DDX24: variants seen among roughly 807,000 people sequenced by gnomAD.
DDX24 encodes DEAD-box helicase 24, also known as ATP-dependent RNA helicase DDX24.
Under a neutral mutation model 68.9 loss-of-function variants are expected in DDX24, and 24 were observed. The ratio of observed to expected loss-of-function variants is 0.35; its 90% CI spans 0.25 to 0.49. The LOEUF (loss-of-function observed/expected upper bound fraction) is 0.49. DDX24 is among the 20% of genes least tolerant of loss of function. The pLI is 0.99. For synonymous variants in DDX24, 395 were observed against 385.2 expected (o/e 1.03, Z -0.30); for missense variants, 989 against 1,039.0 (o/e 0.95, Z 0.66).
chr14:94,063,102 G>A (rs1173248982), intron 2 of DDX24, among the ~76,000 whole-genome samples: 1 of 152,074 alleles, frequency 6.6e-6, no homozygotes, highest in African/African-American at 2.4e-5. Context: ...TCATCTGGGT[G>A]GTCAAAACAA....
rs199923488 is a variant in DDX24, at chr14:94,060,193, G to A, written c.1818C>T (p.Leu606=). 3 of 1,614,176 alleles carry A rather than the reference G, an allele frequency of 1.9e-6. No individual in the cohort carries two copies. Among genetic ancestry groups the A allele is most frequent in the African/African-American group, 1.3e-5 (1 of 75,040 alleles). The part of the protein sequence containing the change: ...SISCIKRLSG[L]LKVLDIMPLT... ...AGGGCATGATATCAAGGACTTTGAG[G>A]AGCCCAGAGAGGCGTTTGATGCAGG... is the stretch of plus-strand genomic sequence containing the variant. The change falls in exon 5 of 9, where the codon CTC becomes CTT. Residue 606 remains leucine, a synonymous_variant. Coordinates refer to ENST00000621632, the MANE Select transcript of DDX24 (RefSeq NM_020414.4).
At position 94,053,268 on chromosome 14, in the gene DDX24, C is replaced by T. The variant is rs1183736540; in HGVS notation, c.2179-141G>A. On this transcript the variant is annotated intron_variant, in intron 7 of 8. Transcript: ENST00000621632. Reference sequence around the variant, plus strand: ...CTGGAGAGCAGTGGCATGATCATGGCTCACTGCAGCCTCAACCTCCTTGGA... The same window carrying T: ...CTGGAGAGCAGTGGCATGATCATGGTTCACTGCAGCCTCAACCTCCTTGGA... The T allele has an allele frequency of 6.6e-6, 7 of 1,061,066 alleles. No homozygotes were observed. In the South Asian group the frequency reaches 1.1e-4, roughly 17 times the overall value. 65.7% of individuals were successfully genotyped at this position (1,061,066 alleles called of 1,614,324 possible).
At position 94,062,311 on chromosome 14, in the gene DDX24, G is replaced by A. The variant is rs1377521305; in HGVS notation, c.1029C>T (p.Ser343=). The change falls in exon 3 of 9, where the codon TCC becomes TCT. Residue 343 remains serine (S), a synonymous_variant. Coordinates refer to ENST00000621632, the MANE Select transcript of DDX24 (RefSeq NM_020414.4). The part of the protein sequence containing the change: ...GDDDAGEGPS[S]LIREKPVPKQ... ...TGGGAACAGGTTTCTCCCTGATCAG[G>A]GAAGAAGGCCCTTCACCAGCATCAT... The A allele has an allele frequency of 2.5e-6, 4 of 1,614,176 alleles. No homozygotes were observed. The East Asian group carries it at 8.9e-5, about 36-fold the overall frequency.
At chr14:94,052,629 A>G (rs1425741937) in intron 8 of DDX24, among the ~76,000 whole-genome samples, 1 of 152,254 alleles carries the variant, frequency 6.6e-6, no homozygotes, top group African/African-American at 2.4e-5. Flanking sequence ...GTAGTTGACT[A>G]CTTCCATTTT....
intron 2 of DDX24, among the ~76,000 whole-genome samples, chr14:94,065,726 A>G (rs1011026172): frequency 1.3e-5 from 2 of 152,052 alleles, no homozygotes; most frequent in Admixed American, 6.5e-5. Context: ...CCAAACACAC[A>G]CCCCCACTAG....
chr14:94,069,047 C>CA (rs1040566329), intron 2 of DDX24, among the ~76,000 whole-genome samples: 10 of 151,566 alleles, frequency 6.6e-5, no homozygotes, highest in African/African-American at 9.7e-5. Context: ...AACAAACAAA[C>CA]AAAAAAACAA....
Position 94,060,090 on chromosome 14 carries a change from T to C in DDX24, c.1913+8A>G. The C allele has an allele frequency of 3.1e-6, 5 of 1,608,886 alleles. No homozygotes were observed. Among genetic ancestry groups the C allele is most frequent in the Non-Finnish European group, 4.2e-6 (5 of 1,176,576 alleles). ...GAGGTTAAGCCTCTGGGGACAGTCC[T>C]AACTTACTCTTCCAGACGGGCAAAC... On this transcript the variant is annotated splice_region_variant and intron_variant, in intron 5 of 8. Coordinates refer to ENST00000621632, the MANE Select transcript of DDX24 (RefSeq NM_020414.4).
Position 94,051,110 on chromosome 14 carries a change from AGTG to A in DDX24, c.*78_*80del. 2.1e-6 allele frequency: 3 copies of A among 1,462,842 alleles called. No homozygotes were observed. Among genetic ancestry groups the A allele is most frequent in the Non-Finnish European group, 2.7e-6 (3 of 1,103,580 alleles). The allele number at this position is 1,462,842 out of a possible 1,614,324, so 90.6% of individuals were successfully genotyped here. A position where few individuals can be genotyped will look rare whatever the true frequency, so the allele number is the denominator to read the frequency against. On this transcript the variant is annotated 3_prime_UTR_variant, in exon 9 of 9. Coordinates refer to ENST00000621632, the MANE Select transcript of DDX24 (RefSeq NM_020414.4). ...CTTTTTTACCTGGGGTTGGTGGTGG[AGTG>A]AAACACAAGGGTGGGAGAGGTTTTG...
intron 3 of DDX24, 140 bp from the exon 4 acceptor site, chr14:94,061,206 T>C (rs973784512): frequency 4.1e-6 from 4 of 973,596 alleles, no homozygotes; most frequent in Admixed American, 4.6e-5. Context: ...AGAGCAGGCC[T>C]GGCCAGACTG....
intron 1 of DDX24, among the ~76,000 whole-genome samples, chr14:94,080,136 G>A (rs1351496215): frequency 1.3e-5 from 2 of 152,184 alleles, no homozygotes; most frequent in African/African-American, 2.4e-5. Flanking sequence ...TGTAAAGCAC[G>A]GAGGATGAAA....
intron 2 of DDX24, among the ~76,000 whole-genome samples, chr14:94,070,287 T>C (rs2141432360): frequency 6.6e-6 from 1 of 151,518 alleles, no homozygotes; most frequent in East Asian, 1.9e-4. Context: ...AAAAAATACT[T>C]AGGAATATGC....
In DDX24 at chr14:94,051,063, G is replaced by A; in HGVS notation, c.*128C>T. The A allele has an allele frequency of 9.1e-7, 1 of 1,102,916 alleles. No individual in the cohort carries two copies. The highest frequency in any genetic ancestry group is 1.8e-5 in the South Asian group (1 of 54,512). The allele number at this position is 1,102,916 out of a possible 1,614,324, so 68.3% of individuals were successfully genotyped here. A position where few individuals can be genotyped will look rare whatever the true frequency, so the allele number is the denominator to read the frequency against. On this transcript the variant is annotated 3_prime_UTR_variant, in exon 9 of 9. Transcript: ENST00000621632. ...CTGCATGAGGTCTCTCCCGCTATGGGTGTGAGTGGAAGAGAGGGAGACTTT... is the reference window on the plus strand; with the variant it reads ...CTGCATGAGGTCTCTCCCGCTATGGATGTGAGTGGAAGAGAGGGAGACTTT...
intron 2 of DDX24, among the ~76,000 whole-genome samples, chr14:94,077,627 A>G (rs1885971006): frequency 6.6e-6 from 1 of 152,212 alleles, no homozygotes; most frequent in Admixed American, 6.5e-5. Context: ...ATCAACATAA[A>G]GCACTTAACA....
intron 2 of DDX24, among the ~76,000 whole-genome samples, chr14:94,065,739 A>G (rs1233484248): frequency 1.3e-5 from 2 of 152,112 alleles, no homozygotes; most frequent in South Asian, 4.2e-4. Flanking sequence ...CCCACTAGAG[A>G]AGGTGAAGGT....
Position 94,048,835 on chromosome 14 carries a change from C to T in DDX24, c.*2356G>A, listed in dbSNP as rs968781719. 6.6e-6 allele frequency: 1 copy of T among 152,270 alleles called. No individual in the cohort carries two copies. Among genetic ancestry groups the T allele is most frequent in the East Asian group, 1.9e-4 (1 of 5,202 alleles). The allele number at this position is 152,270 out of a possible 1,614,324, so 9.4% of individuals were successfully genotyped here. The stretch of plus-strand genomic sequence containing the variant: ...GGGCTGTAACTCAGTGAGTGGCTTC[C>T]AGGGGCCCCAGGCCCTGCTGGATGT... On this transcript the variant is annotated 3_prime_UTR_variant, in exon 9 of 9. Coordinates refer to ENST00000621632, the MANE Select transcript of DDX24 (RefSeq NM_020414.4).
At chr14:94,071,769 A>G (rs1885836372) in intron 2 of DDX24, among the ~76,000 whole-genome samples, 1 of 152,136 alleles carries the variant, frequency 6.6e-6, no homozygotes, top group Non-Finnish European at 1.5e-5. Context: ...AACATGGAGA[A>G]ACCACGTCTC....
chr14:94,058,827 A>G (rs1339621668), intron 5 of DDX24, among the ~76,000 whole-genome samples: 1 of 152,224 alleles, frequency 6.6e-6, no homozygotes, highest in East Asian at 1.9e-4. Flanking sequence ...GCCAGAGAGC[A>G]TTTCCAGCTT....
At chr14:94,053,574 G>GT (rs2141421069) in intron 7 of DDX24, among the ~76,000 whole-genome samples, 1 of 152,012 alleles carries the variant, frequency 6.6e-6, no homozygotes, top group South Asian at 2.1e-4. Flanking sequence ...TAGCACTCTG[G>GT]GAGGCCAAGG....
chr14:94,065,054 CT>C lies in DDX24; in HGVS notation c.719-2434del, dbSNP rs57434417. On this transcript the variant is annotated intron_variant, in intron 2 of 8. Transcript: ENST00000621632. Reference sequence around the variant, plus strand: ...CAAGAGTGTTCTGTGGGTAGAAAATCTTTTTTTTTTTTTTGAGACACAGTCT... The same window carrying C: ...CAAGAGTGTTCTGTGGGTAGAAAATCTTTTTTTTTTTTTGAGACACAGTCT... Among the ~76,000 whole-genome samples the C allele has an allele frequency of 9.9e-4, 143 of 144,148 alleles. 1 individual carries two copies. The highest frequency in any genetic ancestry group is 2.9e-3 in the East Asian group (14 of 4,882). The allele number at this position is 144,148 out of a possible 152,430, so 94.6% of individuals were successfully genotyped here.
Sources: gnomAD v4.1 joint callset for allele counts (sites outside exome capture counted in the v4.1 genomes callset) on GRCh38, gnomAD v4.1.1 for gene constraint, MANE v1.5 for transcripts, NCBI Gene and HGNC (gene_info 2026-07-23, HGNC 2026-07-21) for gene names.